The following CARM1 variants were observed in gnomAD, a reference collection of about 807,000 sequenced individuals.
CARM1 encodes coactivator associated arginine methyltransferase 1.
Under a neutral mutation model 72.7 loss-of-function variants are expected in CARM1, and 14 were observed. The ratio of observed to expected loss-of-function variants is 0.19; its 90% CI spans 0.13 to 0.30. CARM1 has a LOEUF of 0.30. Ranked by LOEUF, CARM1 falls within the 10% of genes least tolerant of loss-of-function variation. CARM1 has a pLI of 1.00. For missense variants in CARM1, 432 were observed against 833.7 expected (o/e 0.52, Z 5.93); for synonymous variants, 333 against 345.5 (o/e 0.96, Z 0.40).
intron 1 of CARM1, among the ~76,000 whole-genome samples, chr19:10,883,199 T>C (rs2073914807): frequency 6.6e-6 from 1 of 152,118 alleles, no homozygotes; most frequent in Non-Finnish European, 1.5e-5. Context: ...GAGGGGGCTT[T>C]CGAGGATTGG....
At chr19:10,893,696 C>T (rs1368186061) in intron 1 of CARM1, among the ~76,000 whole-genome samples, 3 of 152,112 alleles carry the variant, frequency 2.0e-5, no homozygotes, top group African/African-American at 4.8e-5. Context: ...GGTGCTAGTT[C>T]GGGGGATCCA....
Position 10,871,637 on chromosome 19 carries a change from G to GGCGGCGGCGGCGGCGGCA in CARM1, c.-64_-63insGGCGGCGGCGGCGGCAGC, listed in dbSNP as rs1229015115. The GGCGGCGGCGGCGGCGGCA allele has an allele frequency of 8.6e-4, 141 of 164,130 alleles. No individual in the cohort carries two copies. Among genetic ancestry groups the GGCGGCGGCGGCGGCGGCA allele is most frequent in the African/African-American group, 5.2e-3 (135 of 26,022 alleles). 10.2% of individuals were successfully genotyped at this position (164,130 alleles called of 1,614,324 possible). A position where few individuals can be genotyped will look rare whatever the true frequency, so the allele number is the denominator to read the frequency against. ...CGGCGGCGGCGGCGGCGGCGGCGGC[G>GGCGGCGGCGGCGGCGGCA]GCAGCGGCGGCGGCCTGGGCCCGGG... is the stretch of plus-strand genomic sequence containing the variant. On this transcript the variant is annotated 5_prime_UTR_variant, in exon 1 of 16. Transcript: ENST00000327064. The surrounding 1 kb of genome is among the most constrained non-coding windows in gnomAD (Gnocchi z 5.6).
chr19:10,906,496 C>A (rs1171652266), intron 2 of CARM1, among the ~76,000 whole-genome samples: 1 of 152,154 alleles, frequency 6.6e-6, no homozygotes, highest in African/African-American at 2.4e-5. Flanking sequence ...GCTCTGTCAC[C>A]CAGGCTGGAG....
chr19:10,890,866 C>T (rs1301120461), intron 1 of CARM1, among the ~76,000 whole-genome samples: 2 of 120,106 alleles, frequency 1.7e-5, no homozygotes, highest in African/African-American at 6.5e-5. Context: ...CCTTAGGAGG[C>T]GGAGGTGGGA....
chr19:10,887,168 C>T (rs1016980446), intron 1 of CARM1, among the ~76,000 whole-genome samples: 3 of 152,262 alleles, frequency 2.0e-5, no homozygotes. Flanking sequence ...CCTCCTGCCA[C>T]TTTTCCCACT....
At chr19:10,913,765 A>T in intron 5 of CARM1, 112 bp from the exon 6 acceptor site, 1 of 1,120,592 alleles carries the variant, frequency 8.9e-7, no homozygotes, top group Non-Finnish European at 1.3e-6. Context: ...AAGCAGGCAG[A>T]GGGGCACCCA....
chr19:10,909,654 A>G (rs972118913), intron 4 of CARM1, among the ~76,000 whole-genome samples: 5 of 151,064 alleles, frequency 3.3e-5, no homozygotes, highest in Non-Finnish European at 5.9e-5. Context: ...GGTGAATGGC[A>G]TGAACGCAGG....
At chr19:10,914,984 G>A (rs2074183835) in intron 6 of CARM1, among the ~76,000 whole-genome samples, 1 of 152,198 alleles carries the variant, frequency 6.6e-6, no homozygotes, top group South Asian at 2.1e-4. Context: ...GCAAGCAGCT[G>A]TGTGTGCGTG....
chr19:10,902,835 CCTGGGTTCTAGT>C (rs2074076457), intron 1 of CARM1, among the ~76,000 whole-genome samples: 2 of 152,122 alleles, frequency 1.3e-5, no homozygotes, highest in South Asian at 4.2e-4. Flanking sequence ...GTCTCAAACT[CCTGGGTTCTAGT>C]AATCTGCCTG....
At position 10,921,464 on chromosome 19, in the gene CARM1, A is replaced by T. The variant is rs748114357; in HGVS notation, c.1684+21A>T. The T allele has an allele frequency of 3.3e-5, 52 of 1,595,638 alleles. 1 individual carries two copies. In the South Asian group the frequency reaches 5.4e-4, roughly 16 times the overall value. On this transcript the variant is annotated intron_variant, in intron 15 of 15. Coordinates refer to ENST00000327064, the MANE Select transcript of CARM1 (RefSeq NM_199141.2). ...CCAAGGTAACGAGGGTGGCGGGGGC[A>T]GGGCCCGTGGGGGCCGAGCTAGCGT...
intron 1 of CARM1, among the ~76,000 whole-genome samples, chr19:10,875,214 A>G (rs137876237): frequency 5.3e-5 from 8 of 152,334 alleles, no homozygotes; most frequent in Admixed American, 2.6e-4. Context: ...GAGAGGTTCT[A>G]CAGGAAAATC....
At chr19:10,874,647 C>G (rs2073849371) in intron 1 of CARM1, among the ~76,000 whole-genome samples, 1 of 152,088 alleles carries the variant, frequency 6.6e-6, no homozygotes, top group Non-Finnish European at 1.5e-5. Flanking sequence ...CCTCCTTGGC[C>G]TCCCACAGTC....
rs1413303994 is a variant in CARM1, at chr19:10,871,744, C to G, written c.42C>G (p.Gly14=). Reference sequence around the variant, plus strand: ...CGGCGGTGGGGCCGGGCGCGGGCGGCGCGGGGTCGGCGGTCCCGGGCGGCG... The same window carrying G: ...CGGCGGTGGGGCCGGGCGCGGGCGGGGCGGGGTCGGCGGTCCCGGGCGGCG... ...AAAAVGPGAG[G]AGSAVPGGAG... The change falls in exon 1 of 16, where the codon GGC becomes GGG. Residue 14 remains glycine (G), a synonymous_variant. Coordinates refer to ENST00000327064, the MANE Select transcript of CARM1 (RefSeq NM_199141.2). This position sits in a 1 kb window ranked among gnomAD's most constrained non-coding sequence, Gnocchi z 5.6. The G allele has an allele frequency of 1.6e-5, 17 of 1,053,210 alleles. No individual in the cohort carries two copies. The highest frequency in any genetic ancestry group is 1.9e-5 in the Non-Finnish European group (17 of 873,864). 65.2% of individuals were successfully genotyped at this position (1,053,210 alleles called of 1,614,324 possible).
At chr19:10,899,958 T>C (rs2074052482) in intron 1 of CARM1, among the ~76,000 whole-genome samples, 1 of 152,060 alleles carries the variant, frequency 6.6e-6, no homozygotes, top group Admixed American at 6.6e-5. Flanking sequence ...TGGGTTCAAG[T>C]GATCCGCCCA....
intron 2 of CARM1, 86 bp from the exon 3 acceptor site, chr19:10,907,953 C>A: frequency 1.3e-6 from 1 of 796,374 alleles, no homozygotes; most frequent in Non-Finnish European, 2.2e-6. Context: ...AACGTCAGGA[C>A]ATACGGCCAT....
At chr19:10,889,388 C>T (rs1310556165) in intron 1 of CARM1, among the ~76,000 whole-genome samples, 1 of 151,528 alleles carries the variant, frequency 6.6e-6, no homozygotes, top group Non-Finnish European at 1.5e-5. Flanking sequence ...AATCTCGGCT[C>T]ACTGCAACCT....
At chr19:10,884,223 C>A (rs1047781327) in intron 1 of CARM1, among the ~76,000 whole-genome samples, 1 of 151,188 alleles carries the variant, frequency 6.6e-6, no homozygotes, top group African/African-American at 2.4e-5. Context: ...TGCCTGTAAT[C>A]CCAGTTACTC....
chr19:10,918,899 G>C (rs1348055889), intron 8 of CARM1: 1 of 152,170 alleles, frequency 6.6e-6, no homozygotes, highest in Admixed American at 6.5e-5. Context: ...TCCAACAACT[G>C]GTTTATTCTT....
chr19:10,882,450 G>GGC (rs2146304879), intron 1 of CARM1, among the ~76,000 whole-genome samples: 1 of 152,028 alleles, frequency 6.6e-6, no homozygotes, highest in East Asian at 1.9e-4. Flanking sequence ...AAGTGGCCTT[G>GGC]GCCAGAGTAG....
Sources: gnomAD v4.1 joint callset for allele counts (sites outside exome capture counted in the v4.1 genomes callset) on GRCh38, gnomAD v4.1.1 for gene constraint, Gnocchi (gnomAD v3.1) non-coding constraint, MANE v1.5 for transcripts, NCBI Gene and HGNC (gene_info 2026-07-23, HGNC 2026-07-21) for gene names.